Variants in PAICS observed in about 807,000 individuals in gnomAD.
PAICS encodes the protein bifunctional phosphoribosylaminoimidazole carboxylase/phosphoribosylaminoimidazole succinocarboxamide synthetase.
PAICS carries 33 observed loss-of-function variants against 53.7 expected under a neutral mutation model. The ratio of observed to expected loss-of-function variants is 0.61; its 90% CI spans 0.47 to 0.82. PAICS has a LOEUF of 0.82. Ranked by LOEUF, PAICS falls within the 40% of genes least tolerant of loss-of-function variation. PAICS has a pLI of 0.00. For missense variants in PAICS, 394 were observed against 494.1 expected, an observed-to-expected ratio of 0.80 and a Z score of 1.92; for synonymous variants, 141 against 167.2, an observed-to-expected ratio of 0.84 and a Z score of 1.21.
chr4:56,427,285 T>G, the PAICS span, among the ~76,000 whole-genome samples: 6 of 152,330 alleles, frequency 3.9e-5, no homozygotes, highest in Admixed American at 1.3e-4. Flanking sequence ...GTGTTTAATT[T>G]TTTTAGGACC....
intron 1 of PAICS, 40 bp downstream of exon 1, chr4:56,436,368 C>A: frequency 6.9e-7 from 1 of 1,453,160 alleles, no homozygotes; most frequent in Non-Finnish European, 9.5e-7. Flanking sequence ...GTCTCCCTGA[C>A]CCCCAGGCCG....
Position 56,460,274 on chromosome 4 carries a change from C to G in PAICS, c.*736C>G, listed in dbSNP as rs1192722558. 1.3e-5 allele frequency: 2 copies of G among 152,196 alleles called. No homozygotes were observed. The highest frequency in any genetic ancestry group is 2.9e-5 in the Non-Finnish European group (2 of 68,038). 9.4% of individuals were successfully genotyped at this position (152,196 alleles called of 1,614,324 possible). A position where few individuals can be genotyped will look rare whatever the true frequency, so the allele number is the denominator to read the frequency against. On this transcript the variant is annotated 3_prime_UTR_variant, in exon 9 of 9. Transcript: ENST00000512576. ...GAATGCTCCCAACTTTATTCATCTT[C>G]CAAGCCTGTAGCTCTTGGTATACTC...
intron 7 of PAICS, among the ~76,000 whole-genome samples, chr4:56,453,338 C>T (rs1439462464): frequency 3.9e-5 from 6 of 152,094 alleles, no homozygotes; most frequent in Non-Finnish European, 8.8e-5. Context: ...TCACTGACAC[C>T]CTGCTATCCC....
At chr4:56,434,000 A>C (rs988579301), upstream of PAICS, among the ~76,000 whole-genome samples, 4 of 152,184 alleles carry the variant, frequency 2.6e-5, no homozygotes, top group Non-Finnish European at 4.4e-5. Context: ...ATAGTTTCTA[A>C]GAATGTTACA....
chr4:56,436,417 C>A, intron 1 of PAICS, 89 bp downstream of exon 1: 2 of 1,084,172 alleles, frequency 1.8e-6, no homozygotes, highest in Admixed American at 2.0e-5. Context: ...AACTCTGTCC[C>A]GCCTCCCTGC....
In PAICS at chr4:56,461,136, C is replaced by T. The variant is rs1560668056; in HGVS notation, c.*1598C>T. 6.6e-6 allele frequency: 1 copy of T among 152,300 alleles called. No homozygotes were observed. The highest frequency in any genetic ancestry group is 2.1e-4 in the South Asian group (1 of 4,816). 9.4% of individuals were successfully genotyped at this position (152,300 alleles called of 1,614,324 possible). A position where few individuals can be genotyped will look rare whatever the true frequency, so the allele number is the denominator to read the frequency against. ...AGCTTTATGTTCGCTGTCCATGAAA[C>T]CTTCTGTAACCACAGTGACTACAAG... On this transcript the variant is annotated 3_prime_UTR_variant, in exon 9 of 9. Coordinates refer to ENST00000512576, the MANE Select transcript of PAICS (RefSeq NM_001079524.2).
At chr4:56,437,977 C>T (rs1174573612) in intron 1 of PAICS, among the ~76,000 whole-genome samples, 1 of 151,972 alleles carries the variant, frequency 6.6e-6, no homozygotes, top group Non-Finnish European at 1.5e-5. Context: ...AATCTTTGCT[C>T]TTCCACTTCT....
At chr4:56,422,370 A>G in the PAICS span, 1 of 152,174 alleles carries the variant, frequency 6.6e-6, no homozygotes, top group Non-Finnish European at 1.5e-5. Context: ...TCATTGCTGG[A>G]GATGTAGCTG....
upstream of PAICS, among the ~76,000 whole-genome samples, chr4:56,434,965 C>T (rs1163922741): frequency 2.0e-5 from 3 of 152,224 alleles, no homozygotes; most frequent in East Asian, 5.8e-4. Context: ...GCCACACTAG[C>T]CTATTACAGG....
intron 8 of PAICS, among the ~76,000 whole-genome samples, chr4:56,455,562 C>G (rs1241923255): frequency 6.6e-6 from 1 of 152,104 alleles, no homozygotes; most frequent in Non-Finnish European, 1.5e-5. Context: ...GGAGTACATT[C>G]TTGAACTTGG....
In PAICS at chr4:56,459,917, GGGTCT is replaced by G. The variant is rs1381192450; in HGVS notation, c.*380_*384del. On this transcript the variant is annotated 3_prime_UTR_variant, in exon 9 of 9. Coordinates refer to ENST00000512576, the MANE Select transcript of PAICS (RefSeq NM_001079524.2). The stretch of plus-strand genomic sequence containing the variant: ...CATTTTTTTTTTTTTTTTTGAGACA[GGGTCT>G]CACTGTCGCCCAGGCTGGAGTGCAG... 1 of 155,714 alleles carries G rather than the reference GGGTCT, an allele frequency of 6.4e-6. No individual in the cohort carries two copies. Among genetic ancestry groups the G allele is most frequent in the Admixed American group, 6.3e-5 (1 of 15,814 alleles). 9.6% of individuals were successfully genotyped at this position (155,714 alleles called of 1,614,324 possible). A position where few individuals can be genotyped will look rare whatever the true frequency, so the allele number is the denominator to read the frequency against.
chr4:56,443,781 C>CT (rs1475762345), intron 2 of PAICS, among the ~76,000 whole-genome samples: 2 of 152,150 alleles, frequency 1.3e-5, no homozygotes, highest in Non-Finnish European at 2.9e-5. Context: ...TTGTCCAGGA[C>CT]TTTCTGCTTT....
chr4:56,431,804 A>C (rs1276672227), upstream of PAICS, among the ~76,000 whole-genome samples: 1 of 152,240 alleles, frequency 6.6e-6, no homozygotes, highest in Admixed American at 6.5e-5. Flanking sequence ...TATTCTAAGA[A>C]GGGGTGTCTG....
chr4:56,435,378 T>G (rs1221415324), upstream of PAICS: 1 of 1,612,222 alleles, frequency 6.2e-7, no homozygotes, highest in African/African-American at 1.3e-5. Context: ...AGTCCCAGAG[T>G]GATCACATGC....
the PAICS span, chr4:56,414,257 G>C: frequency 6.6e-6 from 1 of 152,270 alleles, no homozygotes; most frequent in East Asian, 1.9e-4. Flanking sequence ...TGTGATACAC[G>C]GAAGAAGGGA....
chr4:56,419,481 A>G, the PAICS span: 1 of 168,170 alleles, frequency 5.9e-6, no homozygotes, highest in Admixed American at 6.5e-5. Context: ...ACTGTTTAAG[A>G]GAAAAGCTAA....
Position 56,453,707 on chromosome 4 carries a change from C to G in PAICS, c.1057C>G (p.Leu353Val). Residue 353 changes from leucine to valine, a missense_variant, in exon 8 of 9, where the codon CTC becomes GTC. Physicochemically the swap from Leu to Val is conservative, Grantham distance 32. Coordinates refer to ENST00000512576, the MANE Select transcript of PAICS (RefSeq NM_001079524.2). ...TAYPVISCPP[L>V]TPDWGVQDVW... ...ATATCCAGTTATCAGCTGTCCTCCCCTCACACCAGACTGGGGAGTTCAGGA... is the reference window on the plus strand; with the variant it reads ...ATATCCAGTTATCAGCTGTCCTCCCGTCACACCAGACTGGGGAGTTCAGGA... 1 of 1,555,854 alleles carries G rather than the reference C, an allele frequency of 6.4e-7. No homozygotes were observed. Among genetic ancestry groups the G allele is most frequent in the South Asian group, 1.2e-5 (1 of 84,492 alleles).
chr4:56,414,641 T>C, the PAICS span, among the ~76,000 whole-genome samples: 6 of 152,166 alleles, frequency 3.9e-5, no homozygotes, highest in South Asian at 2.1e-4. Context: ...TCTGAAGAGG[T>C]TGGAGAGAGA....
At chr4:56,415,031 T>C in the PAICS span, among the ~76,000 whole-genome samples, 20 of 152,316 alleles carry the variant, frequency 1.3e-4, no homozygotes, top group Middle Eastern at 6.8e-3. Flanking sequence ...TATTTTAACA[T>C]AGAAACCCTA....
Sources: gnomAD v4.1 joint callset for allele counts (sites outside exome capture counted in the v4.1 genomes callset) on GRCh38, gnomAD v4.1.1 for gene constraint, MANE v1.5 for transcripts, NCBI Gene and HGNC (gene_info 2026-07-23, HGNC 2026-07-21) for gene names.